The following ST8SIA4 variants were observed in gnomAD, a reference collection of about 807,000 sequenced individuals.
ST8SIA4 encodes CMP-N-acetylneuraminate-poly-alpha-2,8-sialyltransferase.
In ST8SIA4, 15 loss-of-function variants were observed where a neutral mutation model predicts 33.9. The observed-to-expected ratio is 0.44, with a 90% confidence interval of 0.30 to 0.68. ST8SIA4 has a LOEUF of 0.68. ST8SIA4 is among the 30% of genes least tolerant of loss of function. ST8SIA4 has a pLI of 0.10. For synonymous variants in ST8SIA4, 171 were observed against 151.2 expected (o/e 1.13, Z -0.96); for missense variants, 321 against 428.0 (o/e 0.75, Z 2.21).
intron 2 of ST8SIA4, among the ~76,000 whole-genome samples, chr5:100,890,322 T>C (rs1211165498): frequency 6.6e-6 from 1 of 151,870 alleles, no homozygotes; most frequent in East Asian, 1.9e-4. Flanking sequence ...AATTCAAGTA[T>C]AATTAGCTAA....
At chr5:100,878,738 A>G (rs1235600194) in intron 3 of ST8SIA4, among the ~76,000 whole-genome samples, 2 of 152,242 alleles carry the variant, frequency 1.3e-5, no homozygotes, top group Non-Finnish European at 2.9e-5. Flanking sequence ...TGATAAAATT[A>G]AACTCAAAGG....
rs1750792336 is a variant in ST8SIA4, at chr5:100,810,468, A to G, written c.*1379T>C. Reference sequence around the variant, plus strand: ...ATTTGAATAACAAGGGGAATATCAAAGAACTGGAAGTCACATTTCAGCTAT... The same window carrying G: ...ATTTGAATAACAAGGGGAATATCAAGGAACTGGAAGTCACATTTCAGCTAT... On this transcript the variant is annotated 3_prime_UTR_variant, in exon 5 of 5. Transcript: ENST00000231461. 6.6e-6 allele frequency: 1 copy of G among 152,188 alleles called. No homozygotes were observed. Among genetic ancestry groups the G allele is most frequent in the African/African-American group, 2.4e-5 (1 of 41,456 alleles). The allele number at this position is 152,188 out of a possible 1,614,324, so 9.4% of individuals were successfully genotyped here.
chr5:100,873,684 C>A (rs1466388970), intron 3 of ST8SIA4, among the ~76,000 whole-genome samples: 2 of 152,124 alleles, frequency 1.3e-5, no homozygotes, highest in Non-Finnish European at 2.9e-5. Flanking sequence ...AGAGTTTCTA[C>A]AATCTCCAGC....
chr5:100,856,856 G>T (rs1043837966), intron 3 of ST8SIA4, among the ~76,000 whole-genome samples: 2 of 152,170 alleles, frequency 1.3e-5, no homozygotes, highest in African/African-American at 2.4e-5. Flanking sequence ...CTTTGTAAGT[G>T]TAAGGAAATA....
At chr5:100,853,228 C>T (rs1281814149) in intron 4 of ST8SIA4, among the ~76,000 whole-genome samples, 2 of 152,102 alleles carry the variant, frequency 1.3e-5, no homozygotes, top group South Asian at 2.1e-4. Flanking sequence ...TTTACAGTTC[C>T]AGCAGCAAGT....
chr5:100,839,086 C>A (rs1426204584), intron 4 of ST8SIA4, among the ~76,000 whole-genome samples: 1 of 151,812 alleles, frequency 6.6e-6, no homozygotes, highest in Non-Finnish European at 1.5e-5. Flanking sequence ...CCTTGGCCTC[C>A]CAAAAAGTTG....
rs1403532690 is a variant in ST8SIA4 at position 100,809,784 on chromosome 5, C to T, written c.*2063G>A. 6.6e-6 allele frequency: 1 copy of T among 152,016 alleles called. No homozygotes were observed. The highest frequency in any genetic ancestry group is 1.5e-5 in the Non-Finnish European group (1 of 67,986). The allele number at this position is 152,016 out of a possible 1,614,324, so 9.4% of individuals were successfully genotyped here. A position where few individuals can be genotyped will look rare whatever the true frequency, so the allele number is the denominator to read the frequency against. ...TAATTATAAAAGTACATTAATGTTCCATTCATTTTTAGCTATCAGTCTCCT... is the reference window on the plus strand; with the variant it reads ...TAATTATAAAAGTACATTAATGTTCTATTCATTTTTAGCTATCAGTCTCCT... On this transcript the variant is annotated 3_prime_UTR_variant, in exon 5 of 5. Transcript: ENST00000231461.
Position 100,810,134 on chromosome 5 carries a change from A to C in ST8SIA4, c.*1713T>G, listed in dbSNP as rs1005863646. ...CAGAGCTTCTGCCCAGTTTCTAAAGAAACAATCTACTATCATAAGTTACCA... is the reference window on the plus strand; with the variant it reads ...CAGAGCTTCTGCCCAGTTTCTAAAGCAACAATCTACTATCATAAGTTACCA... On this transcript the variant is annotated 3_prime_UTR_variant, in exon 5 of 5. Transcript: ENST00000231461. 6.6e-6 allele frequency: 1 copy of C among 152,220 alleles called. No individual in the cohort carries two copies. The highest frequency in any genetic ancestry group is 1.5e-5 in the Non-Finnish European group (1 of 68,024). The allele number at this position is 152,220 out of a possible 1,614,324, so 9.4% of individuals were successfully genotyped here.
At chr5:100,842,703 G>A (rs1198812025) in intron 4 of ST8SIA4, among the ~76,000 whole-genome samples, 1 of 151,646 alleles carries the variant, frequency 6.6e-6, no homozygotes, top group Non-Finnish European at 1.5e-5. Flanking sequence ...TCTGTTGAGA[G>A]GAATATGATC....
rs1297124444 is a variant in ST8SIA4 at position 100,808,652 on chromosome 5, G to T, written c.*3195C>A. 6.6e-6 allele frequency: 1 copy of T among 152,570 alleles called. No individual in the cohort carries two copies. Among genetic ancestry groups the T allele is most frequent in the Non-Finnish European group, 1.5e-5 (1 of 68,022 alleles). The allele number at this position is 152,570 out of a possible 1,614,324, so 9.5% of individuals were successfully genotyped here. A position where few individuals can be genotyped will look rare whatever the true frequency, so the allele number is the denominator to read the frequency against. ...TGAATATATATTTTCAAAAGAAAAAGCTCCACCTATTTCAAGTATGCTTTT... is the reference window on the plus strand; with the variant it reads ...TGAATATATATTTTCAAAAGAAAAATCTCCACCTATTTCAAGTATGCTTTT... On this transcript the variant is annotated 3_prime_UTR_variant, in exon 5 of 5. Coordinates refer to ENST00000231461, the MANE Select transcript of ST8SIA4 (RefSeq NM_005668.6).
chr5:100,867,964 C>A (rs904992389), intron 3 of ST8SIA4, among the ~76,000 whole-genome samples: 1 of 151,950 alleles, frequency 6.6e-6, no homozygotes, highest in Non-Finnish European at 1.5e-5. Context: ...GGATCATTCT[C>A]AAGCTCTATT....
intron 4 of ST8SIA4, among the ~76,000 whole-genome samples, chr5:100,849,681 C>T (rs1561393710): frequency 6.6e-6 from 1 of 151,872 alleles, no homozygotes; most frequent in Non-Finnish European, 1.5e-5. Context: ...GTCGCAGCTA[C>T]TGGGGAGGCT....
intron 4 of ST8SIA4, among the ~76,000 whole-genome samples, chr5:100,831,441 A>C (rs976748687): frequency 6.6e-6 from 1 of 152,188 alleles, no homozygotes; most frequent in African/African-American, 2.4e-5. Context: ...ACATTTATCA[A>C]TTCTAAAACT....
chr5:100,838,003 T>G (rs1751397516), intron 4 of ST8SIA4, among the ~76,000 whole-genome samples: 1 of 152,032 alleles, frequency 6.6e-6, no homozygotes, highest in African/African-American at 2.4e-5. Context: ...ATGTTTATAC[T>G]TCATTCTACT....
intron 3 of ST8SIA4, among the ~76,000 whole-genome samples, chr5:100,862,851 A>G (rs541443228): frequency 3.3e-5 from 5 of 152,368 alleles, no homozygotes; most frequent in Admixed American, 3.3e-4. Context: ...AATTTGTCCA[A>G]GAGTACATAG....
intron 4 of ST8SIA4, among the ~76,000 whole-genome samples, chr5:100,835,381 A>T (rs1035457367): frequency 1.3e-5 from 2 of 152,162 alleles, no homozygotes; most frequent in African/African-American, 4.8e-5. Context: ...GTAAATGAGT[A>T]GGAAAATGCA....
At chr5:100,850,030 A>G (rs555209070) in intron 4 of ST8SIA4, among the ~76,000 whole-genome samples, 1 of 152,338 alleles carries the variant, frequency 6.6e-6, no homozygotes, top group Admixed American at 6.5e-5. Flanking sequence ...TGAAAGATAA[A>G]TAACAAAAAC....
chr5:100,886,105 C>A, intron 3 of ST8SIA4: 1 of 1,275,226 alleles, frequency 7.8e-7, no homozygotes, highest in Non-Finnish European at 9.9e-7. Context: ...CTCACCTCAC[C>A]AAAAAAAGCT....
intron 4 of ST8SIA4, among the ~76,000 whole-genome samples, chr5:100,825,702 G>A (rs1360708729): frequency 3.3e-5 from 5 of 152,086 alleles, no homozygotes; most frequent in Non-Finnish European, 5.9e-5. Flanking sequence ...GCTATTGTAA[G>A]GAAAATATAT....
Sources: gnomAD v4.1 joint callset for allele counts (sites outside exome capture counted in the v4.1 genomes callset) on GRCh38, gnomAD v4.1.1 for gene constraint, MANE v1.5 for transcripts, NCBI Gene and HGNC (gene_info 2026-07-23, HGNC 2026-07-21) for gene names.